CSMD1: variants seen among roughly 807,000 people sequenced by gnomAD.
The protein encoded by CSMD1 is CUB and sushi domain-containing protein 1.
A neutral mutation model predicts 417.5 loss-of-function variants in CSMD1; 213 were observed. That is an observed-to-expected ratio of 0.51 (90% CI 0.46 to 0.57). The LOEUF (loss-of-function observed/expected upper bound fraction) is 0.57. CSMD1 is among the 20% of genes least tolerant of loss of function. CSMD1 has a pLI of 0.00. For missense variants in CSMD1, 6,923 were observed against 4,529.7 expected, an observed-to-expected ratio of 1.53 and a Z score of -15.17; for synonymous variants, 2,862 against 1,736.8, an observed-to-expected ratio of 1.65 and a Z score of -16.11.
chr8:4,124,110 A>G (rs934666385), intron 3 of CSMD1, among the ~76,000 whole-genome samples: 62 of 152,290 alleles, frequency 4.1e-4, no homozygotes, highest in African/African-American at 1.5e-3. Flanking sequence ...AGAAAGAAAA[A>G]CTATTTTCTG....
chr8:3,281,463 T>A, intron 26 of CSMD1, among the ~76,000 whole-genome samples: 1 of 151,878 alleles, frequency 6.6e-6, no homozygotes, highest in South Asian at 2.1e-4. Context: ...AACGGGTAAA[T>A]AAACTGTGGT....
At chr8:4,324,010 G>C (rs1013427995) in intron 3 of CSMD1, among the ~76,000 whole-genome samples, 1 of 152,150 alleles carries the variant, frequency 6.6e-6, no homozygotes, top group African/African-American at 2.4e-5. Flanking sequence ...GGAATGGCAG[G>C]CACAGCCACA....
chr8:3,927,166 G>C (rs1809795471), intron 5 of CSMD1, among the ~76,000 whole-genome samples: 1 of 151,752 alleles, frequency 6.6e-6, no homozygotes, highest in Non-Finnish European at 1.5e-5. Flanking sequence ...ATAAAGTTTT[G>C]AAGCTATAAT....
At chr8:3,791,727 GCAAGA>G (rs1799751466) in intron 5 of CSMD1, among the ~76,000 whole-genome samples, 1 of 152,140 alleles carries the variant, frequency 6.6e-6, no homozygotes, top group African/African-American at 2.4e-5. Context: ...GGAGGCTGAA[GCAAGA>G]GAATCGCTTG....
At chr8:4,221,829 A>T (rs1439634835) in intron 3 of CSMD1, among the ~76,000 whole-genome samples, 1 of 152,160 alleles carries the variant, frequency 6.6e-6, no homozygotes, top group African/African-American at 2.4e-5. Flanking sequence ...TGGCTCTGAG[A>T]ATTCTTACAG....
At chr8:3,586,076 T>G (rs1800585676) in intron 9 of CSMD1, 60 bp downstream of exon 9, 3 of 1,554,570 alleles carry the variant, frequency 1.9e-6, no homozygotes, top group Middle Eastern at 1.7e-4. Flanking sequence ...TGTATATTCA[T>G]AAAAATGCCA....
intron 3 of CSMD1, among the ~76,000 whole-genome samples, chr8:4,200,756 G>C (rs1024779904): frequency 1.3e-5 from 2 of 152,114 alleles, no homozygotes; most frequent in African/African-American, 4.8e-5. Flanking sequence ...CAACTACTCT[G>C]GCGACTGAGA....
chr8:3,874,903 G>C (rs915243236), intron 5 of CSMD1, among the ~76,000 whole-genome samples: 1 of 152,148 alleles, frequency 6.6e-6, no homozygotes, highest in African/African-American at 2.4e-5. Flanking sequence ...GCGCACCAGT[G>C]ATTTGAATAA....
At chr8:3,585,286 G>C (rs189266064) in intron 9 of CSMD1, among the ~76,000 whole-genome samples, 1 of 152,154 alleles carries the variant, frequency 6.6e-6, no homozygotes, top group African/African-American at 2.4e-5. Flanking sequence ...ATGCTTAAAA[G>C]TTTAAAATGT....
chr8:3,097,763 G>T (rs1034854153), intron 46 of CSMD1, among the ~76,000 whole-genome samples: 2 of 152,110 alleles, frequency 1.3e-5, no homozygotes, highest in Admixed American at 1.3e-4. Flanking sequence ...CGGATCGGGG[G>T]TGGGGGGAAC....
chr8:3,129,074 C>T (rs1817658503), intron 41 of CSMD1, among the ~76,000 whole-genome samples: 1 of 152,078 alleles, frequency 6.6e-6, no homozygotes, highest in African/African-American at 2.4e-5. Context: ...TCAAAGGCCA[C>T]GGAGTCAACA....
chr8:3,002,542 T>G (rs1807500592), intron 52 of CSMD1, among the ~76,000 whole-genome samples: 2 of 152,340 alleles, frequency 1.3e-5, no homozygotes, highest in East Asian at 3.9e-4. Flanking sequence ...GGAGGGGATG[T>G]GGGACCAAAG....
intron 2 of CSMD1, among the ~76,000 whole-genome samples, chr8:4,494,057 G>C (rs1563230988): frequency 6.6e-6 from 1 of 152,100 alleles, no homozygotes; most frequent in Non-Finnish European, 1.5e-5. Context: ...GGTATTCTTG[G>C]GTCCCATCCT....
intron 3 of CSMD1, among the ~76,000 whole-genome samples, chr8:4,103,940 C>G (rs1801434240): frequency 2.0e-5 from 3 of 152,164 alleles, no homozygotes; most frequent in South Asian, 2.1e-4. Flanking sequence ...TTGCAACATT[C>G]ACTCCTCAAA....
intron 12 of CSMD1, among the ~76,000 whole-genome samples, chr8:3,442,367 C>T (rs1358159327): frequency 1.3e-5 from 2 of 152,190 alleles, no homozygotes; most frequent in African/African-American, 2.4e-5. Flanking sequence ...CACTCACTCA[C>T]TGACTCACCC....
chr8:3,488,383 TA>T (rs1818179489), intron 11 of CSMD1, among the ~76,000 whole-genome samples: 1 of 152,166 alleles, frequency 6.6e-6, no homozygotes, highest in Admixed American at 6.5e-5. Context: ...TCCGGGATTA[TA>T]GGCGTATACC....
chr8:4,561,830 G>A (rs1027442916), intron 2 of CSMD1, among the ~76,000 whole-genome samples: 2 of 152,172 alleles, frequency 1.3e-5, no homozygotes, highest in African/African-American at 4.8e-5. Flanking sequence ...GACTGCTGAG[G>A]GGATGGAGTC....
At chr8:4,691,921 C>T (rs1044668880) in intron 1 of CSMD1, among the ~76,000 whole-genome samples, 12 of 152,204 alleles carry the variant, frequency 7.9e-5, no homozygotes, top group African/African-American at 1.9e-4. Context: ...ATTTTCTCCT[C>T]ACTCCCTATA....
At chr8:3,177,659 A>G (rs1292518623) in intron 37 of CSMD1, among the ~76,000 whole-genome samples, 1 of 152,152 alleles carries the variant, frequency 6.6e-6, no homozygotes, top group Admixed American at 6.5e-5. Flanking sequence ...ATAATAAAAA[A>G]ACAGATGGGG....
Sources: allele counts gnomAD v4.1 joint callset (sites outside exome capture counted in the v4.1 genomes callset), GRCh38; gene constraint gnomAD v4.1.1; transcripts MANE v1.5; gene names NCBI Gene and HGNC (gene_info 2026-07-23, HGNC 2026-07-21).